Variants in VTI1A observed in about 807,000 individuals in gnomAD.
VTI1A encodes the protein vesicle transport through interaction with t-SNAREs 1A, also known as vesicle transport through interaction with t-SNAREs homolog 1A.
A neutral mutation model predicts 34.9 loss-of-function variants in VTI1A; 22 were observed. The ratio of observed to expected loss-of-function variants is 0.63; its 90% CI spans 0.45 to 0.90. The LOEUF (loss-of-function observed/expected upper bound fraction) is 0.90. VTI1A is among the 40% of genes least tolerant of loss of function. VTI1A has a pLI of 0.00. For synonymous variants in VTI1A, 87 were observed against 97.3 expected, an observed-to-expected ratio of 0.89 and a Z score of 0.62; for missense variants, 268 against 275.6, an observed-to-expected ratio of 0.97 and a Z score of 0.20.
chr10:112,784,587 A>T (rs1052186957), intron 7 of VTI1A, among the ~76,000 whole-genome samples: 2 of 152,188 alleles, frequency 1.3e-5, no homozygotes, highest in Non-Finnish European at 2.9e-5. Context: ...CAGTGTTTCA[A>T]TGTGGCACAG....
rs903151690 is a variant in VTI1A, at chr10:112,732,026, G to A, written c.560+63028G>A. 7.2e-5 allele frequency among the ~76,000 whole-genome samples: 11 copies of A among 152,026 alleles called. No individual in the cohort carries two copies. In the South Asian group the frequency reaches 1.7e-3, roughly 23 times the overall value. ...ATAATAAAATGCATTACCCTTTACC[G>A]AATCACCTTTTTTTCAAGCTAATTA... On this transcript the variant is annotated intron_variant, in intron 7 of 7. Transcript: ENST00000393077.
chr10:112,611,737 A>ATTTTTTTTTTT lies in VTI1A; in HGVS notation c.428-56469_428-56459dup, dbSNP rs3057346. On this transcript the variant is annotated intron_variant, in intron 5 of 7. Transcript: ENST00000393077. ...TAAAGCCCATTTGGTGAGAAAGGTA[A>ATTTTTTTTTTT]TTTTTTTTTTTTTTTTTTTTTTGTG... 3.8e-4 allele frequency among the ~76,000 whole-genome samples: 38 copies of ATTTTTTTTTTT among 100,802 alleles called. 1 individual carries two copies. Among genetic ancestry groups the ATTTTTTTTTTT allele is most frequent in the African/African-American group, 8.0e-4 (18 of 22,362 alleles). The allele number at this position is 100,802 out of a possible 152,430, so 66.1% of individuals were successfully genotyped here.
chr10:112,843,548 C>T, the VTI1A span, among the ~76,000 whole-genome samples: 1 of 152,342 alleles, frequency 6.6e-6, no homozygotes, highest in East Asian at 1.9e-4. Context: ...AAAGTGACTG[C>T]TAACAGCGTT....
intron 3 of VTI1A, among the ~76,000 whole-genome samples, chr10:112,469,887 T>A (rs921277417): frequency 7.9e-5 from 12 of 152,224 alleles, no homozygotes; most frequent in Non-Finnish European, 1.5e-4. Context: ...TGTTTGATGA[T>A]GCATCCCAGC....
the VTI1A span, among the ~76,000 whole-genome samples, chr10:112,849,825 G>A: frequency 9.2e-5 from 14 of 152,226 alleles, no homozygotes; most frequent in East Asian, 1.7e-3. Context: ...TCCCTCCATC[G>A]GATCAGAGCC....
intron 4 of VTI1A, among the ~76,000 whole-genome samples, chr10:112,537,283 A>C (rs1294302869): frequency 7.3e-6 from 1 of 136,740 alleles, no homozygotes; most frequent in Admixed American, 7.5e-5. Flanking sequence ...ACACAGATAC[A>C]TACATTTATA....
chr10:112,703,331 G>A (rs923734083), intron 7 of VTI1A, among the ~76,000 whole-genome samples: 4 of 152,256 alleles, frequency 2.6e-5, no homozygotes, highest in African/African-American at 9.6e-5. Context: ...ACTTTGGGAG[G>A]CCAAGGCGGG....
intron 7 of VTI1A, among the ~76,000 whole-genome samples, chr10:112,722,846 A>T (rs866837785): frequency 1.3e-5 from 2 of 152,048 alleles, no homozygotes; most frequent in Admixed American, 1.3e-4. Context: ...TAATCAGTCT[A>T]CTCTGAGCAT....
At chr10:112,700,121 AAAAAAAAAAAAAAACAAAAC>A (rs1848952230) in intron 7 of VTI1A, among the ~76,000 whole-genome samples, 5 of 139,076 alleles carry the variant, frequency 3.6e-5, no homozygotes, top group Non-Finnish European at 7.4e-5. Context: ...CCATCTCAAA[AAAAAAAAAAAAAAACAAAAC>A]AAAAAAAAAA....
chr10:112,778,337 T>A (rs1852013390), intron 7 of VTI1A, among the ~76,000 whole-genome samples: 1 of 152,194 alleles, frequency 6.6e-6, no homozygotes, highest in Non-Finnish European at 1.5e-5. Context: ...TGGTGGAAGT[T>A]CTTCTGCCAA....
intron 7 of VTI1A, among the ~76,000 whole-genome samples, chr10:112,800,524 T>C (rs1487630150): frequency 6.6e-6 from 1 of 152,242 alleles, no homozygotes; most frequent in African/African-American, 2.4e-5. Context: ...TAGTTATTTA[T>C]TGAGCAACTA....
chr10:112,607,198 A>G (rs1845117717), intron 5 of VTI1A, among the ~76,000 whole-genome samples: 2 of 152,010 alleles, frequency 1.3e-5, no homozygotes, highest in African/African-American at 4.8e-5. Context: ...GAGGCAGGAG[A>G]ATCACTTGAA....
intron 3 of VTI1A, among the ~76,000 whole-genome samples, chr10:112,503,673 C>A (rs553642740): frequency 6.6e-6 from 1 of 152,078 alleles, no homozygotes; most frequent in Non-Finnish European, 1.5e-5. Context: ...ATGTTTAATT[C>A]TTGTGGAGTA....
chr10:112,798,552 T>G (rs1308176379), intron 7 of VTI1A, among the ~76,000 whole-genome samples: 1 of 152,118 alleles, frequency 6.6e-6, no homozygotes, highest in Admixed American at 6.5e-5. Context: ...CCCTCCTAAT[T>G]CATGGGTGAT....
At chr10:112,616,005 G>A (rs1335116889) in intron 5 of VTI1A, among the ~76,000 whole-genome samples, 1 of 152,144 alleles carries the variant, frequency 6.6e-6, no homozygotes, top group South Asian at 2.1e-4. Context: ...AAAATGAGAG[G>A]ATTAAGCATC....
intron 7 of VTI1A, among the ~76,000 whole-genome samples, chr10:112,806,410 C>T (rs371357836): frequency 6.6e-5 from 10 of 151,628 alleles, no homozygotes; most frequent in African/African-American, 1.9e-4. Flanking sequence ...CTCAGACTCC[C>T]GAGGAGCTGG....
rs563813856 is a variant in VTI1A, at chr10:112,805,464, A to C, written c.561-9826A>C. ...GTTGAGTAGTTGTGACAGACTGCGT[A>C]GTCCCCAAAGCCTAAAATGTTTAGT... On this transcript the variant is annotated intron_variant, in intron 7 of 7. Transcript: ENST00000393077. Among the ~76,000 whole-genome samples, 3 of 152,366 alleles carry C rather than the reference A, an allele frequency of 2.0e-5. No homozygotes were observed. In the South Asian group the frequency reaches 6.2e-4, roughly 32 times the overall value.
intron 5 of VTI1A, among the ~76,000 whole-genome samples, chr10:112,562,097 A>G (rs921329339): frequency 3.3e-5 from 5 of 152,202 alleles, no homozygotes; most frequent in African/African-American, 1.2e-4. Flanking sequence ...ATAATGGCAA[A>G]TGCCTATTTT....
intron 7 of VTI1A, among the ~76,000 whole-genome samples, chr10:112,789,845 A>G (rs1365786234): frequency 1.3e-5 from 2 of 152,016 alleles, no homozygotes; most frequent in African/African-American, 2.4e-5. Flanking sequence ...ACATATTTCT[A>G]ATAGCTGCTT....
Sources: allele counts gnomAD v4.1 joint callset (sites outside exome capture counted in the v4.1 genomes callset), GRCh38; gene constraint gnomAD v4.1.1; transcripts MANE v1.5; gene names NCBI Gene and HGNC (gene_info 2026-07-23, HGNC 2026-07-21).